The following ZNF148 variants were observed in gnomAD, a reference collection of about 807,000 sequenced individuals.
The protein encoded by ZNF148 is Beta-Enolase Repressor Factor-1.
In ZNF148, 7 loss-of-function variants were observed where a neutral mutation model predicts 67.7. The observed-to-expected ratio is 0.10, with a 90% CI of 0.06 to 0.19. The LOEUF is 0.19. Ranked by LOEUF, ZNF148 falls within the 10% of genes least tolerant of loss-of-function variation. ZNF148 has a pLI of 1.00. For missense variants in ZNF148, 583 were observed against 947.1 expected, an observed-to-expected ratio of 0.62 and a Z score of 5.05; for synonymous variants, 333 against 330.7, an observed-to-expected ratio of 1.01 and a Z score of -0.08.
chr3:125,238,399 G>A lies in ZNF148; in HGVS notation c.668-4070C>T, dbSNP rs181580568. Among the ~76,000 whole-genome samples, 447 of 152,158 alleles carry A rather than the reference G, an allele frequency of 2.9e-3. 5 individuals carry two copies. The highest frequency in any genetic ancestry group is 4.6e-3 in the Non-Finnish European group (313 of 67,956). The stretch of plus-strand genomic sequence containing the variant: ...TCTCAACACTTTGGGAGGCAGAGGC[G>A]GGTGGATCACTTGAGGTCAGGAGTT... On this transcript the variant is annotated intron_variant, in intron 7 of 8. Coordinates refer to ENST00000360647, the MANE Select transcript of ZNF148 (RefSeq NM_021964.3).
intron 4 of ZNF148, among the ~76,000 whole-genome samples, chr3:125,308,609 A>G (rs1477503074): frequency 6.6e-6 from 1 of 152,004 alleles, no homozygotes; most frequent in Non-Finnish European, 1.5e-5. Flanking sequence ...TCACTACAGT[A>G]TTACAAAAGA....
rs1312262634 is a variant in ZNF148 at position 125,230,594 on chromosome 3, C to T, written c.*1747G>A. ...GGATGTTAAGGGTGGATAGTTATTT[C>T]TTCCCTTTCTTTATGAGAACAGTCT... On this transcript the variant is annotated 3_prime_UTR_variant, in exon 9 of 9. Transcript: ENST00000360647. 6.6e-6 allele frequency: 1 copy of T among 152,388 alleles called. No individual in the cohort carries two copies. Among genetic ancestry groups the T allele is most frequent in the Non-Finnish European group, 1.5e-5 (1 of 67,952 alleles). The allele number at this position is 152,388 out of a possible 1,614,324, so 9.4% of individuals were successfully genotyped here.
intron 3 of ZNF148, chr3:125,315,087 C>T (rs1225135021): frequency 6.6e-6 from 1 of 152,000 alleles, no homozygotes; most frequent in Non-Finnish European, 1.5e-5. Flanking sequence ...AAATAAAGGT[C>T]AAAGATGTTA....
Position 125,277,145 on chromosome 3 carries a change from A to T in ZNF148, c.667+581T>A, listed in dbSNP as rs527901708. Reference sequence around the variant, plus strand: ...ACAGACTACTAAATCAAAGTTACTTATAAAAGTTGGTTTTACCGTTGGCAA... The same window carrying T: ...ACAGACTACTAAATCAAAGTTACTTTTAAAAGTTGGTTTTACCGTTGGCAA... On this transcript the variant is annotated intron_variant, in intron 7 of 8. Transcript: ENST00000360647. 9.8e-5 allele frequency among the ~76,000 whole-genome samples: 15 copies of T among 152,374 alleles called. No individual in the cohort carries two copies. In the South Asian group the frequency reaches 1.0e-3, roughly 11 times the overall value.
At chr3:125,242,829 G>C (rs925449332) in intron 7 of ZNF148, among the ~76,000 whole-genome samples, 2 of 152,128 alleles carry the variant, frequency 1.3e-5, no homozygotes, top group Non-Finnish European at 1.5e-5. Context: ...CACTAATTAA[G>C]TTCCATGGGT....
Position 125,303,676 on chromosome 3 carries a change from T to C in ZNF148, c.333+9632A>G, listed in dbSNP as rs147880933. On this transcript the variant is annotated intron_variant, in intron 4 of 8. Transcript: ENST00000360647. ...ACAAGCCCAGGGCTCCTACTGACTC[T>C]ACATTATGGTGAGTTGTATAATTAC... 1.9e-4 allele frequency among the ~76,000 whole-genome samples: 29 copies of C among 152,278 alleles called. No homozygotes were observed. In the East Asian group the frequency reaches 3.7e-3, roughly 19 times the overall value.
At chr3:125,270,458 T>C (rs1399241011) in intron 7 of ZNF148, among the ~76,000 whole-genome samples, 3 of 152,166 alleles carry the variant, frequency 2.0e-5, no homozygotes, top group Non-Finnish European at 4.4e-5. Context: ...ATTGAGTATT[T>C]TTCCAAAAGA....
At position 125,317,662 on chromosome 3, in the gene ZNF148, T is replaced by TATATAGAGAGAGAGAG. The variant is rs752542874; in HGVS notation, c.-16-4007_-16-4006insCTCTCTCTCTCTATAT. 6.3e-3 allele frequency among the ~76,000 whole-genome samples: 571 copies of TATATAGAGAGAGAGAG among 90,020 alleles called. 3 individuals are homozygous for TATATAGAGAGAGAGAG. Among genetic ancestry groups the TATATAGAGAGAGAGAG allele is most frequent in the East Asian group, 0.032 (130 of 4,056 alleles). The allele number at this position is 90,020 out of a possible 152,430, so 59.1% of individuals were successfully genotyped here. A position where few individuals can be genotyped will look rare whatever the true frequency, so the allele number is the denominator to read the frequency against. Reference sequence around the variant, plus strand: ...GATCTTTTATATATATATATATATATAGAGAGAGAGAGAGAGAAATACATA... The same window carrying TATATAGAGAGAGAGAG: ...GATCTTTTATATATATATATATATATATATAGAGAGAGAGAGAGAGAGAGAGAGAGAGAAATACATA... On this transcript the variant is annotated intron_variant, in intron 3 of 8. Transcript: ENST00000360647.
chr3:125,276,543 C>T (rs1938083157), intron 7 of ZNF148, among the ~76,000 whole-genome samples: 1 of 152,098 alleles, frequency 6.6e-6, no homozygotes, highest in Non-Finnish European at 1.5e-5. Context: ...AAGCAATTCT[C>T]CTGCCTCAGC....
intron 1 of ZNF148, among the ~76,000 whole-genome samples, chr3:125,363,716 T>A (rs963459385): frequency 6.7e-6 from 1 of 149,094 alleles, no homozygotes; most frequent in African/African-American, 2.5e-5. Flanking sequence ...GAGTGTAGAT[T>A]TCAGCTCACT....
chr3:125,317,656 T>TAGAGAGAGAGAGAGAGAGAG (rs1332514441), intron 3 of ZNF148, among the ~76,000 whole-genome samples: 6 of 7,262 alleles, frequency 8.3e-4, no homozygotes, highest in Admixed American at 2.3e-3. Context: ...TATATATATA[T>TAGAGAGAGAGAGAGAGAGAG]ATATATAGAG....
chr3:125,350,775 G>A (rs926656363), intron 1 of ZNF148, among the ~76,000 whole-genome samples: 1 of 152,158 alleles, frequency 6.6e-6, no homozygotes, highest in Non-Finnish European at 1.5e-5. Flanking sequence ...CTCACTTCCT[G>A]CTGTGCAGCC....
chr3:125,294,953 T>C (rs572909341), intron 4 of ZNF148, among the ~76,000 whole-genome samples: 49 of 152,346 alleles, frequency 3.2e-4, no homozygotes, highest in Non-Finnish European at 6.0e-4. Context: ...TATTAAGTTG[T>C]ACAACTAGGA....
At chr3:125,362,623 C>T (rs773214160) in intron 1 of ZNF148, among the ~76,000 whole-genome samples, 7 of 151,736 alleles carry the variant, frequency 4.6e-5, no homozygotes, top group Non-Finnish European at 1.0e-4. Context: ...GGTTCAATAC[C>T]AGCTCACTGC....
chr3:125,238,196 T>C (rs1234136322), intron 7 of ZNF148, among the ~76,000 whole-genome samples: 4 of 152,126 alleles, frequency 2.6e-5, no homozygotes, highest in Non-Finnish European at 5.9e-5. Flanking sequence ...GAATATAATA[T>C]AGGAATAAAT....
intron 4 of ZNF148, among the ~76,000 whole-genome samples, chr3:125,298,032 A>G (rs2107643654): frequency 6.6e-6 from 1 of 152,322 alleles, no homozygotes; most frequent in South Asian, 2.1e-4. Context: ...TAACATGGGT[A>G]TATCTCATAA....
At chr3:125,259,271 A>C (rs1361484613) in intron 7 of ZNF148, among the ~76,000 whole-genome samples, 1 of 152,228 alleles carries the variant, frequency 6.6e-6, no homozygotes, top group Non-Finnish European at 1.5e-5. Context: ...AATGCTCAAC[A>C]TGTTAGGTCC....
At chr3:125,323,035 G>C (rs1225834019) in intron 3 of ZNF148, among the ~76,000 whole-genome samples, 2 of 152,064 alleles carry the variant, frequency 1.3e-5, no homozygotes, top group African/African-American at 4.8e-5. Flanking sequence ...GCTATACCCT[G>C]TTGAGAAAAA....
chr3:125,355,347 C>A (rs1483050550), intron 1 of ZNF148, among the ~76,000 whole-genome samples: 1 of 152,102 alleles, frequency 6.6e-6, no homozygotes. Context: ...TGGATAATTT[C>A]TTTGTCATGG....
Sources: gnomAD v4.1 joint callset for allele counts (sites outside exome capture counted in the v4.1 genomes callset) on GRCh38, gnomAD v4.1.1 for gene constraint, MANE v1.5 for transcripts, NCBI Gene and HGNC (gene_info 2026-07-23, HGNC 2026-07-21) for gene names.